The following BMPR2 variants were observed in gnomAD, a reference collection of about 807,000 sequenced individuals.
The protein encoded by BMPR2 is bone morphogenetic protein receptor type 2.
In BMPR2, 29 loss-of-function variants were observed where a neutral mutation model predicts 100.8. The ratio of observed to expected loss-of-function variants is 0.29; its 90% CI spans 0.21 to 0.39. BMPR2 has a LOEUF of 0.39. Ranked by LOEUF, BMPR2 falls within the 10% of genes least tolerant of loss-of-function variation. BMPR2 has a pLI of 1.00. For synonymous variants in BMPR2, 382 were observed against 442.3 expected (o/e 0.86, Z 1.71); for missense variants, 1,011 against 1,274.5 (o/e 0.79, Z 3.15).
chr2:202,394,553 T>G (rs1690621366), intron 1 of BMPR2, among the ~76,000 whole-genome samples: 1 of 152,150 alleles, frequency 6.6e-6, no homozygotes, highest in Admixed American at 6.5e-5. Flanking sequence ...TACATTTTCC[T>G]TAGATCCTCA....
chr2:202,443,068 G>A (rs1242052343), intron 1 of BMPR2, among the ~76,000 whole-genome samples: 1 of 150,510 alleles, frequency 6.6e-6, no homozygotes, highest in Admixed American at 6.6e-5. Context: ...TATAAGAAGA[G>A]GAAGACACCA....
Position 202,561,385 on chromosome 2 carries a change from T to G in BMPR2, c.*1439T>G, listed in dbSNP as rs749257353. The G allele has an allele frequency of 1.4e-4, 21 of 152,144 alleles. No individual in the cohort carries two copies. The highest frequency in any genetic ancestry group is 2.5e-4 in the Non-Finnish European group (17 of 68,002). The allele number at this position is 152,144 out of a possible 1,614,324, so 9.4% of individuals were successfully genotyped here. On this transcript the variant is annotated 3_prime_UTR_variant, in exon 13 of 13. Coordinates refer to ENST00000374580, the MANE Select transcript of BMPR2 (RefSeq NM_001204.7). ...CTTTTAGTAATAAAATGACTTGAAA[T>G]CATATTATTTTTAAAAGCCCTTTGC...
intron 3 of BMPR2, among the ~76,000 whole-genome samples, chr2:202,492,267 A>G (rs760403302): frequency 1.3e-5 from 2 of 152,100 alleles, no homozygotes; most frequent in Non-Finnish European, 2.9e-5. Context: ...GGTGCTAGTT[A>G]CATAAGTGTT....
intron 3 of BMPR2, among the ~76,000 whole-genome samples, chr2:202,490,829 G>A (rs1692886067): frequency 6.6e-6 from 1 of 152,186 alleles, no homozygotes; most frequent in African/African-American, 2.4e-5. Flanking sequence ...TCCCCTTAGG[G>A]TCATCAGTGC....
Position 202,532,475 on chromosome 2 carries a change from G to T in BMPR2, c.1129-110G>T. On this transcript the variant is annotated intron_variant, in intron 8 of 12. Coordinates refer to ENST00000374580, the MANE Select transcript of BMPR2 (RefSeq NM_001204.7). This position sits in a 1 kb window ranked among gnomAD's most constrained non-coding sequence, Gnocchi z 4.1. ...TAGAAAGGTTTAATGACATGGTTAG[G>T]GTCAAATAACATTGACATGACTAAG... 7.5e-7 allele frequency: 1 copy of T among 1,325,238 alleles called. No homozygotes were observed. The highest frequency in any genetic ancestry group is 2.4e-5 in the East Asian group (1 of 41,082). 82.1% of individuals were successfully genotyped at this position (1,325,238 alleles called of 1,614,324 possible). A position where few individuals can be genotyped will look rare whatever the true frequency, so the allele number is the denominator to read the frequency against.
chr2:202,535,690 G>A (rs942986935), intron 9 of BMPR2, among the ~76,000 whole-genome samples: 19 of 152,260 alleles, frequency 1.2e-4, no homozygotes, highest in Middle Eastern at 3.4e-3. Flanking sequence ...GGTGGCGGCC[G>A]GGCAGAGGCT....
Position 202,561,976 on chromosome 2 carries a change from T to C in BMPR2, c.*2030T>C, listed in dbSNP as rs1029283680. ...GCCCCTTAATCTATTTTCAGTCTTCTGGCACGTAATTTTTTTCACAGTTAT... is the reference window on the plus strand; with the variant it reads ...GCCCCTTAATCTATTTTCAGTCTTCCGGCACGTAATTTTTTTCACAGTTAT... On this transcript the variant is annotated 3_prime_UTR_variant, in exon 13 of 13. Transcript: ENST00000374580. 2 of 152,190 alleles carry C rather than the reference T, an allele frequency of 1.3e-5. No individual in the cohort carries two copies. Among genetic ancestry groups the C allele is most frequent in the African/African-American group, 4.8e-5 (2 of 41,462 alleles). 9.4% of individuals were successfully genotyped at this position (152,190 alleles called of 1,614,324 possible).
At chr2:202,533,780 G>A (rs541339773) in intron 9 of BMPR2, among the ~76,000 whole-genome samples, 4 of 152,264 alleles carry the variant, frequency 2.6e-5, no homozygotes, top group South Asian at 2.1e-4. Flanking sequence ...CTGAGATCAC[G>A]CCATGGCTCT....
At chr2:202,395,317 G>A (rs1690637918) in intron 1 of BMPR2, among the ~76,000 whole-genome samples, 1 of 152,130 alleles carries the variant, frequency 6.6e-6, no homozygotes. Flanking sequence ...AGGACAAGTC[G>A]ATTAATATCT....
chr2:202,543,979 A>G (rs1228585710), intron 10 of BMPR2, among the ~76,000 whole-genome samples: 1 of 152,128 alleles, frequency 6.6e-6, no homozygotes, highest in African/African-American at 2.4e-5. Context: ...ACTGCCCTCC[A>G]GCCTGAGTAA....
chr2:202,436,736 G>A (rs1691622961), intron 1 of BMPR2, among the ~76,000 whole-genome samples: 1 of 150,274 alleles, frequency 6.7e-6, no homozygotes, highest in Non-Finnish European at 1.5e-5. Flanking sequence ...TTATATATGT[G>A]GTCCTATTCC....
chr2:202,558,722 G>A (rs1226970894), intron 12 of BMPR2, among the ~76,000 whole-genome samples: 2 of 151,236 alleles, frequency 1.3e-5, no homozygotes, highest in Non-Finnish European at 2.9e-5. Flanking sequence ...GGAGAAACCC[G>A]GTCTCTACTA....
At chr2:202,516,731 T>G (rs1687720474) in intron 5 of BMPR2, among the ~76,000 whole-genome samples, 1 of 152,150 alleles carries the variant, frequency 6.6e-6, no homozygotes, top group Admixed American at 6.6e-5. Flanking sequence ...AGATGTCCAA[T>G]TTACAAGGCT....
intron 1 of BMPR2, among the ~76,000 whole-genome samples, chr2:202,460,199 G>A (rs1328357756): frequency 2.6e-5 from 4 of 152,170 alleles, no homozygotes; most frequent in East Asian, 3.8e-4. Context: ...ACACATGCAC[G>A]TGTATGTTTG....
At position 202,532,652 on chromosome 2, in the gene BMPR2, CA is replaced by C. The variant is rs1688049973; in HGVS notation, c.1197del (p.Ala400LeufsTer2). ...GCTGTGAACTTGAGGGACTGTGAAT[CA>C]GCTTTGAAACAAGTAGACATGTATG... ...EGAVNLRDCESALKQVDMYAL... is the reference protein window; with the variant it reads ...EGAVNLRDCEXALKQVDMYAL... On this transcript the variant is annotated frameshift_variant, in exon 9 of 13. Transcript: ENST00000374580. LOFTEE classifies it high-confidence loss of function. This position sits in a 1 kb window ranked among gnomAD's most constrained non-coding sequence, Gnocchi z 4.1. 6.2e-7 allele frequency: 1 copy of C among 1,613,720 alleles called. No individual in the cohort carries two copies. Among genetic ancestry groups the C allele is most frequent in the Non-Finnish European group, 8.5e-7 (1 of 1,179,852 alleles).
intron 1 of BMPR2, among the ~76,000 whole-genome samples, chr2:202,383,797 G>A (rs2105897016): frequency 6.6e-6 from 1 of 152,080 alleles, no homozygotes; most frequent in African/African-American, 2.4e-5. Flanking sequence ...GTTGCAGTGA[G>A]CCGAGATCGT....
chr2:202,499,892 T>TG (rs1381959663), intron 3 of BMPR2, among the ~76,000 whole-genome samples: 3 of 152,014 alleles, frequency 2.0e-5, no homozygotes, highest in African/African-American at 7.2e-5. Context: ...GGACAGAAAA[T>TG]GGAGTAGGCC....
intron 1 of BMPR2, among the ~76,000 whole-genome samples, chr2:202,453,837 T>C (rs1303199358): frequency 6.6e-6 from 1 of 152,208 alleles, no homozygotes; most frequent in Non-Finnish European, 1.5e-5. Context: ...TTGTTTGTAA[T>C]ACAAAGAATA....
At chr2:202,499,211 A>G (rs146869774) in intron 3 of BMPR2, among the ~76,000 whole-genome samples, 17,378 of 152,134 alleles carry the variant, frequency 0.11, 1,687 homozygotes, top group East Asian at 0.52. Flanking sequence ...TGATAGGTAC[A>G]TAGATGTCCT....
Sources: allele counts gnomAD v4.1 joint callset (sites outside exome capture counted in the v4.1 genomes callset), GRCh38; gene constraint gnomAD v4.1.1; non-coding constraint Gnocchi (gnomAD v3.1); transcripts MANE v1.5; gene names NCBI Gene and HGNC (gene_info 2026-07-23, HGNC 2026-07-21).